PLCG2: variants seen among roughly 807,000 people sequenced by gnomAD.
PLCG2 encodes the protein phospholipase C gamma 2, also known as 1-phosphatidylinositol 4,5-bisphosphate phosphodiesterase gamma-2.
In PLCG2, 69 loss-of-function variants were observed where a neutral mutation model predicts 175.6. That is an observed-to-expected ratio of 0.39 (90% CI 0.32 to 0.48). The LOEUF is 0.48. Ranked by LOEUF, PLCG2 falls within the 20% of genes least tolerant of loss-of-function variation. The probability of loss-of-function intolerance (pLI) is 0.91; values close to 1 mark genes in which losing one functional copy is unlikely to be tolerated. For missense variants in PLCG2, 1,798 were observed against 1,650.9 expected (o/e 1.09, Z -1.54); for synonymous variants, 827 against 624.0 (o/e 1.33, Z -4.85).
chr16:81,845,328 C>T (rs1338043101), intron 2 of PLCG2, among the ~76,000 whole-genome samples: 1 of 151,956 alleles, frequency 6.6e-6, no homozygotes, highest in African/African-American at 2.4e-5. Context: ...GTTTTTTTTC[C>T]CCTACATTTT....
chr16:81,930,723 G>A (rs1910463027), intron 24 of PLCG2, among the ~76,000 whole-genome samples: 1 of 145,452 alleles, frequency 6.9e-6, no homozygotes, highest in African/African-American at 2.6e-5. Context: ...ACTTCAGCCT[G>A]GGTGACAGAG....
At chr16:81,946,699 T>C (rs148510738) in intron 31 of PLCG2, among the ~76,000 whole-genome samples, 151 of 152,296 alleles carry the variant, frequency 9.9e-4, no homozygotes, top group African/African-American at 3.4e-3. Flanking sequence ...AGCATTTAGA[T>C]GGAATCCATT....
chr16:81,957,373 C>A lies in PLCG2; in HGVS notation c.3755+494C>A, dbSNP rs539054725. Among the ~76,000 whole-genome samples, 15 of 152,166 alleles carry A rather than the reference C, an allele frequency of 9.9e-5. 1 individual carries two copies. The highest frequency in any genetic ancestry group is 8.8e-5 in the Non-Finnish European group (6 of 68,022). ...AGTTCTCTTTGTTCTAGAAATTAACCTACAGTAATACCTTAGGCGCTTGCC... is the reference window on the plus strand; with the variant it reads ...AGTTCTCTTTGTTCTAGAAATTAACATACAGTAATACCTTAGGCGCTTGCC... On this transcript the variant is annotated intron_variant, in intron 32 of 32. Coordinates refer to ENST00000564138, the MANE Select transcript of PLCG2 (RefSeq NM_002661.5).
intron 22 of PLCG2, among the ~76,000 whole-genome samples, chr16:81,925,804 T>C (rs1910241147): frequency 6.6e-6 from 1 of 151,568 alleles, no homozygotes; most frequent in South Asian, 2.1e-4. Flanking sequence ...GGAGAATTGC[T>C]TGAACCTGGG....
In PLCG2 at chr16:81,822,888, T is replaced by C. The variant is rs576003580; in HGVS notation, c.194-31556T>C. Reference sequence around the variant, plus strand: ...AGAGGAAGAGGCCACACGGCCACGATTGCAGGCGGCCACTGCAAGGTGAAA... The same window carrying C: ...AGAGGAAGAGGCCACACGGCCACGACTGCAGGCGGCCACTGCAAGGTGAAA... On this transcript the variant is annotated intron_variant, in intron 2 of 32. Transcript: ENST00000564138. 7.2e-5 allele frequency among the ~76,000 whole-genome samples: 11 copies of C among 152,074 alleles called. No homozygotes were observed. The South Asian group carries it at 1.7e-3, about 23-fold the overall frequency.
chr16:81,740,496 C>G (rs1162709939), intron 1 of PLCG2: 1 of 152,172 alleles, frequency 6.6e-6, no homozygotes, highest in Non-Finnish European at 1.5e-5. Context: ...AATCCCAGCA[C>G]TTTGGAGTCC....
chr16:81,833,992 G>A lies in PLCG2; in HGVS notation c.194-20452G>A, dbSNP rs74029235. ...TAGCAGGTTCACCCCAAGGTTTTCT[G>A]AGAGGTCATTCAGGGAGCAGCTGCT... On this transcript the variant is annotated intron_variant, in intron 2 of 32. Coordinates refer to ENST00000564138, the MANE Select transcript of PLCG2 (RefSeq NM_002661.5). Among the ~76,000 whole-genome samples the A allele has an allele frequency of 5.5e-3, 835 of 152,304 alleles. 8 individuals carry two copies. The highest frequency in any genetic ancestry group is 0.024 in the Middle Eastern group (7 of 294).
At position 81,946,257 on chromosome 16, in the gene PLCG2, A is replaced by G; in HGVS notation, c.3564A>G (p.Pro1188=). The G allele has an allele frequency of 6.2e-7, 1 of 1,612,098 alleles. No homozygotes were observed. Among genetic ancestry groups the G allele is most frequent in the Non-Finnish European group, 8.5e-7 (1 of 1,178,134 alleles). Residue 1188 remains proline, a synonymous_variant, in exon 31 of 33, where the codon CCA becomes CCG. Transcript: ENST00000564138. The part of the protein sequence containing the change: ...ASLLVFCEMR[P]VLESEEELYS... ...TCCTGGTTTTCTGTGAGATGCGGCC[A>G]GTCCTGGTGAGTGGAGAAACACCAG... is the stretch of plus-strand genomic sequence containing the variant.
At chr16:81,923,172 CACCCTA>C (rs1247957661) in intron 21 of PLCG2, among the ~76,000 whole-genome samples, 4 of 152,082 alleles carry the variant, frequency 2.6e-5, no homozygotes, top group Non-Finnish European at 4.4e-5. Context: ...GGGTCACTCC[CACCCTA>C]ACCCTAAGCC....
At chr16:81,824,194 C>T (rs922236363) in intron 2 of PLCG2, among the ~76,000 whole-genome samples, 60 of 150,706 alleles carry the variant, frequency 4.0e-4, no homozygotes, top group African/African-American at 1.4e-3. Flanking sequence ...AGTGCAATGG[C>T]GTGATCTCAG....
intron 7 of PLCG2, among the ~76,000 whole-genome samples, chr16:81,879,225 G>A (rs988822976): frequency 2.6e-5 from 4 of 152,168 alleles, no homozygotes; most frequent in Non-Finnish European, 4.4e-5. Context: ...GGGGCTTTGG[G>A]CTTGGAAGTG....
At chr16:81,802,091 G>GTTTTTTTTT (rs1249304271) in intron 2 of PLCG2, among the ~76,000 whole-genome samples, 1 of 53,516 alleles carries the variant, frequency 1.9e-5, no homozygotes, top group Non-Finnish European at 3.8e-5. Context: ...GGTGAGTACA[G>GTTTTTTTTT]TCTTTTTTTT....
At chr16:81,926,981 G>C (rs1364691433) in intron 22 of PLCG2, 101 bp from the exon 23 acceptor site, 3 of 763,854 alleles carry the variant, frequency 3.9e-6, no homozygotes, top group Non-Finnish European at 7.1e-6. Flanking sequence ...CTTGCTGTCT[G>C]TCCCCATCAG....
Position 81,950,547 on chromosome 16 carries a change from T to C in PLCG2, c.3570+4284T>C, listed in dbSNP as rs142872580. Among the ~76,000 whole-genome samples the C allele has an allele frequency of 2.4e-3, 371 of 152,346 alleles. 4 individuals are homozygous for C. Among genetic ancestry groups the C allele is most frequent in the African/African-American group, 8.4e-3 (350 of 41,598 alleles). ...ATTTGCCTTAAGAAATATACAACTT[T>C]GTGTCCTACAAATGGATAACATACA... On this transcript the variant is annotated intron_variant, in intron 31 of 32. Coordinates refer to ENST00000564138, the MANE Select transcript of PLCG2 (RefSeq NM_002661.5).
intron 17 of PLCG2, 113 bp downstream of exon 17, chr16:81,908,704 C>G (rs1306805974): frequency 3.3e-6 from 3 of 905,250 alleles, no homozygotes; most frequent in Non-Finnish European, 5.0e-6. Context: ...ACCTGAATCC[C>G]AGGCTTCATT....
intron 19 of PLCG2, among the ~76,000 whole-genome samples, chr16:81,916,522 A>ATATG (rs1212180136): frequency 1.3e-5 from 2 of 152,224 alleles, no homozygotes; most frequent in Non-Finnish European, 2.9e-5. Flanking sequence ...GTGTTTTGAA[A>ATATG]TATGTATACA....
chr16:81,751,462 G>A (rs73604555), intron 1 of PLCG2, among the ~76,000 whole-genome samples: 2,220 of 152,312 alleles, frequency 0.015, 46 homozygotes, highest in African/African-American at 0.05. Flanking sequence ...GGTGGTTACA[G>A]AGGCTCGAGG....
At chr16:81,773,686 C>T (rs536399471) in intron 2 of PLCG2, among the ~76,000 whole-genome samples, 2 of 152,272 alleles carry the variant, frequency 1.3e-5, no homozygotes, top group African/African-American at 4.8e-5. Flanking sequence ...ACTGAGTCAG[C>T]TCCAGGGGTC....
At chr16:81,877,174 G>A (rs542416532) in intron 7 of PLCG2, among the ~76,000 whole-genome samples, 2 of 152,372 alleles carry the variant, frequency 1.3e-5, no homozygotes, top group Non-Finnish European at 2.9e-5. Flanking sequence ...TAACAGAAGT[G>A]TCGGGCACGG....
Sources: allele counts gnomAD v4.1 joint callset (sites outside exome capture counted in the v4.1 genomes callset), GRCh38; gene constraint gnomAD v4.1.1; transcripts MANE v1.5; gene names NCBI Gene and HGNC (gene_info 2026-07-23, HGNC 2026-07-21).